The following NUP153 variants were observed in gnomAD, a reference collection of about 807,000 sequenced individuals.
The protein encoded by NUP153 is nuclear pore complex protein Nup153.
In NUP153, 27 loss-of-function variants were observed where a neutral mutation model predicts 134.6. The observed-to-expected ratio is 0.20, with a 90% confidence interval of 0.15 to 0.28. The LOEUF is 0.28. NUP153 is among the 10% of genes least tolerant of loss of function. The pLI is 1.00. For missense variants in NUP153, 1,821 were observed against 1,731.3 expected (o/e 1.05, Z -0.92); for synonymous variants, 640 against 623.5 (o/e 1.03, Z -0.40).
rs184017319 is a variant in NUP153 at position 17,655,944 on chromosome 6, C to A, written c.1395+5709G>T. Among the ~76,000 whole-genome samples, 666 of 152,246 alleles carry A rather than the reference C, an allele frequency of 4.4e-3. 7 individuals are homozygous for A. The highest frequency in any genetic ancestry group is 0.015 in the African/African-American group (630 of 41,538). On this transcript the variant is annotated intron_variant, in intron 11 of 21. Transcript: ENST00000262077. ...GTAGGGCTGGGCGCAGTGGTTCAAC[C>A]CTGCAATCCCAGCCCTTTGGGAGGC...
intron 1 of NUP153, among the ~76,000 whole-genome samples, chr6:17,699,642 C>T (rs774511020): frequency 2.9e-4 from 44 of 152,042 alleles, no homozygotes; most frequent in Non-Finnish European, 5.3e-4. Context: ...TTTGAGACCA[C>T]CACACCAACA....
intron 16 of NUP153, 117 bp from the exon 17 acceptor site, chr6:17,632,961 T>C: frequency 1.4e-6 from 1 of 713,994 alleles, no homozygotes; most frequent in Non-Finnish European, 2.1e-6. Flanking sequence ...TAATAATATT[T>C]CCTATTAAAA....
intron 15 of NUP153, among the ~76,000 whole-genome samples, chr6:17,639,263 G>C (rs1380197796): frequency 1.3e-5 from 2 of 151,980 alleles, no homozygotes; most frequent in Non-Finnish European, 2.9e-5. Context: ...CTTTTTAATA[G>C]AGATGGGGTT....
chr6:17,640,622 C>A (rs1312334990), intron 14 of NUP153, among the ~76,000 whole-genome samples: 1 of 152,106 alleles, frequency 6.6e-6, no homozygotes, highest in Non-Finnish European at 1.5e-5. Flanking sequence ...AGAAATCATT[C>A]TTTTTCAAAA....
intron 15 of NUP153, among the ~76,000 whole-genome samples, chr6:17,639,318 A>G (rs1376812872): frequency 2.6e-5 from 4 of 152,018 alleles, no homozygotes; most frequent in Non-Finnish European, 5.9e-5. Context: ...GCCTCAAGTG[A>G]TCTGCCCGTC....
chr6:17,699,816 C>T, intron 1 of NUP153, among the ~76,000 whole-genome samples: 1 of 152,086 alleles, frequency 6.6e-6, no homozygotes, highest in Admixed American at 6.6e-5. Context: ...GCCTGGGTGA[C>T]AGAGCTAGAT....
intron 14 of NUP153, among the ~76,000 whole-genome samples, chr6:17,643,229 C>CT (rs1187622641): frequency 1.3e-5 from 2 of 152,266 alleles, no homozygotes; most frequent in Admixed American, 6.5e-5. Flanking sequence ...TCCCAGCACT[C>CT]TGAGACGCCT....
At chr6:17,629,893 C>T (rs1765145496) in intron 17 of NUP153, among the ~76,000 whole-genome samples, 1 of 152,104 alleles carries the variant, frequency 6.6e-6, no homozygotes. Flanking sequence ...CAATAGTTAC[C>T]GAAAATTACA....
At chr6:17,703,255 A>G (rs987434508) in intron 1 of NUP153, among the ~76,000 whole-genome samples, 2 of 152,114 alleles carry the variant, frequency 1.3e-5, no homozygotes, top group Non-Finnish European at 2.9e-5. Flanking sequence ...TAGTAAACTT[A>G]CAGCATTTCC....
chr6:17,647,249 C>T (rs1766245609), intron 13 of NUP153, among the ~76,000 whole-genome samples: 1 of 152,040 alleles, frequency 6.6e-6, no homozygotes, highest in Admixed American at 6.5e-5. Context: ...TATTAAACTA[C>T]GTGTTATTCT....
At chr6:17,654,664 T>C (rs1311395837) in intron 11 of NUP153, among the ~76,000 whole-genome samples, 1 of 152,134 alleles carries the variant, frequency 6.6e-6, no homozygotes, top group Non-Finnish European at 1.5e-5. Flanking sequence ...CCCCCAAATT[T>C]TGACTTAGTA....
At chr6:17,668,069 CTT>C (rs762142682) in intron 8 of NUP153, among the ~76,000 whole-genome samples, 36,204 of 86,798 alleles carry the variant, frequency 0.42, 6,162 homozygotes, top group Middle Eastern at 0.62. Context: ...GTTTACTGAA[CTT>C]TTTTTTTTTT....
intron 8 of NUP153, among the ~76,000 whole-genome samples, chr6:17,666,976 A>G (rs944943622): frequency 5.9e-5 from 9 of 152,244 alleles, no homozygotes; most frequent in Non-Finnish European, 1.0e-4. Flanking sequence ...CTGTTCTGAT[A>G]ACATCTGTGA....
intron 1 of NUP153, among the ~76,000 whole-genome samples, chr6:17,692,330 T>TG (rs1769332578): frequency 6.6e-6 from 1 of 152,210 alleles, no homozygotes. Flanking sequence ...GCACAGTGAA[T>TG]GACAGCATGA....
At chr6:17,667,771 T>A (rs1293663537) in intron 8 of NUP153, among the ~76,000 whole-genome samples, 1 of 152,144 alleles carries the variant, frequency 6.6e-6, no homozygotes, top group Non-Finnish European at 1.5e-5. Flanking sequence ...GAAGGATGCT[T>A]AACCAGCTAT....
intron 1 of NUP153, among the ~76,000 whole-genome samples, chr6:17,701,598 T>A (rs531036690): frequency 3.3e-5 from 5 of 149,444 alleles, no homozygotes; most frequent in Admixed American, 6.7e-5. Flanking sequence ...GAGGCGGAGG[T>A]TGCAGTGAGC....
At chr6:17,617,188 A>C (rs754738752) in intron 20 of NUP153, among the ~76,000 whole-genome samples, 49 of 152,144 alleles carry the variant, frequency 3.2e-4, no homozygotes, top group Admixed American at 2.6e-3. Flanking sequence ...ACCTCCAACA[A>C]ATCACACAAC....
chr6:17,657,906 T>C (rs1017198517), intron 11 of NUP153, among the ~76,000 whole-genome samples: 5 of 152,270 alleles, frequency 3.3e-5, no homozygotes, highest in Admixed American at 6.5e-5. Flanking sequence ...TTATGTTTTT[T>C]AGCTGATGAC....
chr6:17,626,722 A>G (rs527948583), intron 18 of NUP153, among the ~76,000 whole-genome samples: 4 of 152,240 alleles, frequency 2.6e-5, no homozygotes, highest in African/African-American at 9.6e-5. Context: ...CCATGGACTG[A>G]TATTAGTAGG....
Sources: gnomAD v4.1 joint callset for allele counts (sites outside exome capture counted in the v4.1 genomes callset) on GRCh38, gnomAD v4.1.1 for gene constraint, MANE v1.5 for transcripts, NCBI Gene and HGNC (gene_info 2026-07-23, HGNC 2026-07-21) for gene names.